The following GJD3 variants were observed in gnomAD, a reference collection of about 807,000 sequenced individuals.
The protein encoded by GJD3 is gap junction protein delta 3, also known as gap junction delta-3 protein.
For missense variants in GJD3, 421 were observed against 448.5 expected (o/e 0.94, Z 0.55); for synonymous variants, 217 against 226.7 (o/e 0.96, Z 0.38).
rs1833045326 is a variant in GJD3 at position 40,362,697 on chromosome 17, T to C, written c.*234A>G. ...CACCTGGGTGGTGGCATCCAGGACC[T>C]GCCTGAGTTCATTCTCCGCCCCCAG... On this transcript the variant is annotated 3_prime_UTR_variant, in exon 1 of 1. Coordinates refer to ENST00000578689, the MANE Select transcript of GJD3 (RefSeq NM_152219.4). 6.6e-6 allele frequency among the ~76,000 whole-genome samples: 1 copy of C among 152,238 alleles called. No individual in the cohort carries two copies. The highest frequency in any genetic ancestry group is 2.1e-4 in the South Asian group (1 of 4,838).
In GJD3 at chr17:40,361,260, C is replaced by A; in HGVS notation, c.*1671G>T. On this transcript the variant is annotated 3_prime_UTR_variant, in exon 1 of 1. Transcript: ENST00000578689. ...CTGGTGCTTGTTAGAAGAGAAAATT[C>A]CCTATGGTTCTGAGCACACCTGGAA... 3.0e-6 allele frequency: 1 copy of A among 337,838 alleles called. No homozygotes were observed. The highest frequency in any genetic ancestry group is 2.1e-5 in the South Asian group (1 of 46,734). 20.9% of individuals were successfully genotyped at this position (337,838 alleles called of 1,614,324 possible). A position where few individuals can be genotyped will look rare whatever the true frequency, so the allele number is the denominator to read the frequency against.
At position 40,363,458 on chromosome 17, in the gene GJD3, C is replaced by A. The variant is rs1016271395; in HGVS notation, c.358G>T (p.Ala120Ser). 4.0e-6 allele frequency: 6 copies of A among 1,483,684 alleles called. No homozygotes were observed. In the African/African-American group the frequency reaches 8.6e-5, roughly 21 times the overall value. 91.9% of individuals were successfully genotyped at this position (1,483,684 alleles called of 1,614,324 possible). Residue 120 changes from alanine to serine, a missense_variant, in exon 1 of 1, where the codon GCC (alanine) becomes TCC (serine). By Grantham distance (99) the Ala-to-Ser change is moderately conservative. Coordinates refer to ENST00000578689, the MANE Select transcript of GJD3 (RefSeq NM_152219.4). The surrounding 1 kb of genome is among the most constrained non-coding windows in gnomAD (Gnocchi z 5.5). ...AAQCAPGLPE[A>S]QCAPCALRAR... ...CGCAGGGCGCACGGCGCGCACTGGG[C>A]CTCGGGCAGTCCGGGGGCGCACTGC...
rs2034777599 is a variant in GJD3, at chr17:40,363,833, G to A, written c.-18C>T. The stretch of plus-strand genomic sequence containing the variant: ...TCCCCCATGGCGCTGGGGACGCGGG[G>A]CGGGGAGTCAGGGGATGGGGCAAGT... On this transcript the variant is annotated 5_prime_UTR_variant, in exon 1 of 1. Coordinates refer to ENST00000578689, the MANE Select transcript of GJD3 (RefSeq NM_152219.4). The surrounding 1 kb of genome is among the most constrained non-coding windows in gnomAD (Gnocchi z 5.5). 1 of 1,573,348 alleles carries A rather than the reference G, an allele frequency of 6.4e-7. No homozygotes were observed. Among genetic ancestry groups the A allele is most frequent in the Non-Finnish European group, 8.6e-7 (1 of 1,159,594 alleles).
Position 40,364,648 on chromosome 17 carries a change from C to T in GJD3, c.-833G>A. The stretch of plus-strand genomic sequence containing the variant: ...GGGGTGTCAGAGCTGAGCCAGGGAC[C>T]TTGGGAGGTGGCTGGGACCGGCGCC... On this transcript the variant is annotated 5_prime_UTR_variant, in exon 1 of 1. Coordinates refer to ENST00000578689, the MANE Select transcript of GJD3 (RefSeq NM_152219.4). 1 of 167,208 alleles carries T rather than the reference C, an allele frequency of 6.0e-6. No homozygotes were observed. Among genetic ancestry groups the T allele is most frequent in the East Asian group, 1.9e-4 (1 of 5,204 alleles). The allele number at this position is 167,208 out of a possible 1,614,324, so 10.4% of individuals were successfully genotyped here.
Position 40,362,126 on chromosome 17 carries a change from C to T in GJD3, c.*805G>A, listed in dbSNP as rs547132886. 6.8e-4 allele frequency among the ~76,000 whole-genome samples: 104 copies of T among 152,222 alleles called. No homozygotes were observed. Among genetic ancestry groups the T allele is most frequent in the Non-Finnish European group, 1.4e-3 (95 of 67,984 alleles). On this transcript the variant is annotated 3_prime_UTR_variant, in exon 1 of 1. Coordinates refer to ENST00000578689, the MANE Select transcript of GJD3 (RefSeq NM_152219.4). ...GCTGCAGCTGGCATCGGATCCTGGC[C>T]ACCCCCGCAGTGCATATCAGAGATC...
chr17:40,363,779 C>G lies in GJD3; in HGVS notation c.37G>C (p.Ala13Pro). 6.2e-7 allele frequency: 1 copy of G among 1,607,622 alleles called. No individual in the cohort carries two copies. The highest frequency in any genetic ancestry group is 8.5e-7 in the Non-Finnish European group (1 of 1,177,736). The change falls in exon 1 of 1, where the codon GCC becomes CCC. Residue 13 changes from alanine (A) to proline (P), a missense_variant. Coordinates refer to ENST00000578689, the MANE Select transcript of GJD3 (RefSeq NM_152219.4). This position sits in a 1 kb window ranked among gnomAD's most constrained non-coding sequence, Gnocchi z 5.5. ...ACGAGCGGCGACTGCAGCTGCACGG[C>G]GTCCAGCAGCGAGCCCAGGAACGCC... ...EWAFLGSLLD[A>P]VQLQSPLVGR...
chr17:40,361,042 G>C lies in GJD3; in HGVS notation c.*1889C>G, dbSNP rs778737141. 1.8e-5 allele frequency: 8 copies of C among 456,408 alleles called. No homozygotes were observed. The highest frequency in any genetic ancestry group is 3.5e-5 in the Non-Finnish European group (8 of 226,888). 28.3% of individuals were successfully genotyped at this position (456,408 alleles called of 1,614,324 possible). On this transcript the variant is annotated 3_prime_UTR_variant, in exon 1 of 1. Coordinates refer to ENST00000578689, the MANE Select transcript of GJD3 (RefSeq NM_152219.4). ...CCTGCAGGAGAAGTGCTTTCCCTAC[G>C]GAAGCGAGGGGCATCCAGCTCTGTC...
chr17:40,363,672 C>T lies in GJD3; in HGVS notation c.144G>A (p.Glu48=), dbSNP rs1458267809. ...GCGTGTTGCACACGAACTCCTCTTG[C>T]TCGTCCTCGAACACGGCGCCGCCCA... The part of the protein sequence containing the change: ...ATVGGAVFED[E]QEEFVCNTLQ... Residue 48 remains glutamate, a synonymous_variant, in exon 1 of 1, where the codon GAG becomes GAA. Coordinates refer to ENST00000578689, the MANE Select transcript of GJD3 (RefSeq NM_152219.4). This position sits in a 1 kb window ranked among gnomAD's most constrained non-coding sequence, Gnocchi z 5.5. 1.2e-6 allele frequency: 2 copies of T among 1,609,418 alleles called. No homozygotes were observed. The highest frequency in any genetic ancestry group is 1.7e-6 in the Non-Finnish European group (2 of 1,178,806).
Position 40,361,419 on chromosome 17 carries a change from C to T in GJD3, c.*1512G>A, listed in dbSNP as rs1357141408. Among the ~76,000 whole-genome samples the T allele has an allele frequency of 6.6e-6, 1 of 152,206 alleles. No individual in the cohort carries two copies. Among genetic ancestry groups the T allele is most frequent in the Non-Finnish European group, 1.5e-5 (1 of 68,032 alleles). On this transcript the variant is annotated 3_prime_UTR_variant, in exon 1 of 1. Transcript: ENST00000578689. ...TTAAGTGGGGGGCGCTATTCAGAAA[C>T]ACCTCCCACTGCTGTGTGGGGCACA...
rs2034767719 is a variant in GJD3, at chr17:40,363,100, G to A, written c.716C>T (p.Pro239Leu). 1.8e-5 allele frequency: 23 copies of A among 1,282,016 alleles called. No homozygotes were observed. The highest frequency in any genetic ancestry group is 2.3e-5 in the Non-Finnish European group (23 of 1,013,170). 79.4% of individuals were successfully genotyped at this position (1,282,016 alleles called of 1,614,324 possible). Residue 239 changes from proline to leucine, a missense_variant, in exon 1 of 1, where the codon CCG (proline) becomes CTG (leucine). By Grantham distance (98) the Pro-to-Leu change is moderately conservative (BLOSUM62 -3). Transcript: ENST00000578689. The surrounding 1 kb of genome is among the most constrained non-coding windows in gnomAD (Gnocchi z 5.5). ...RAHEEAQKLL[P>L]PPPPPPPPPA... is the part of the protein sequence containing the mutation. ...TGGCGGAGGTGGCGGCGGCGGCGGC[G>A]GGAGCAGCTTCTGCGCCTCTTCGTG... is the stretch of plus-strand genomic sequence containing the variant.
rs1274883334 is a variant in GJD3 at position 40,363,468 on chromosome 17, T to C, written c.348A>G (p.Gly116=). The change falls in exon 1 of 1, where the codon GGA becomes GGG. Residue 116 remains glycine, a synonymous_variant. Coordinates refer to ENST00000578689, the MANE Select transcript of GJD3 (RefSeq NM_152219.4). The surrounding 1 kb of genome is among the most constrained non-coding windows in gnomAD (Gnocchi z 5.5). ...ACGGCGCGCACTGGGCCTCGGGCAGTCCGGGGGCGCACTGCGCCGCCGCCT... is the reference window on the plus strand; with the variant it reads ...ACGGCGCGCACTGGGCCTCGGGCAGCCCGGGGGCGCACTGCGCCGCCGCCT... The part of the protein sequence containing the change: ...GAEAAAQCAP[G]LPEAQCAPCA... 1.3e-6 allele frequency: 2 copies of C among 1,525,402 alleles called. No homozygotes were observed. The highest frequency in any genetic ancestry group is 1.4e-5 in the African/African-American group (1 of 72,390). 94.5% of individuals were successfully genotyped at this position (1,525,402 alleles called of 1,614,324 possible).
Position 40,363,525 on chromosome 17 carries a change from C to G in GJD3, c.291G>C (p.Met97Ile). ...CGCCCGCCTCCTTGCCTGCCCGGTG[C>G]ATGGAGTAGACGACGAACAGCACCG... is the stretch of plus-strand genomic sequence containing the variant. ...APPVLFVVYS[M>I]HRAGKEAGGA... The change falls in exon 1 of 1, where the codon ATG becomes ATC. Residue 97 changes from methionine (M) to isoleucine (I), a missense_variant. Physicochemically the swap from Met to Ile is conservative, Grantham distance 10. Transcript: ENST00000578689. This position sits in a 1 kb window ranked among gnomAD's most constrained non-coding sequence, Gnocchi z 5.5. The G allele has an allele frequency of 6.4e-7, 1 of 1,561,832 alleles. No homozygotes were observed. The highest frequency in any genetic ancestry group is 8.7e-7 in the Non-Finnish European group (1 of 1,154,308).
rs1045988974 is a variant in GJD3, at chr17:40,363,775, A to C, written c.41T>G (p.Val14Gly). Reference protein sequence around the residue: ...WAFLGSLLDAVQLQSPLVGRL... With the variant: ...WAFLGSLLDAGQLQSPLVGRL... ...GCCCACGAGCGGCGACTGCAGCTGC[A>C]CGGCGTCCAGCAGCGAGCCCAGGAA... Residue 14 changes from valine to glycine, a missense_variant, in exon 1 of 1, where the codon GTG becomes GGG. Val to Gly is a moderately radical substitution (Grantham distance 109). Coordinates refer to ENST00000578689, the MANE Select transcript of GJD3 (RefSeq NM_152219.4). The surrounding 1 kb of genome is among the most constrained non-coding windows in gnomAD (Gnocchi z 5.5). 2 of 1,608,714 alleles carry C rather than the reference A, an allele frequency of 1.2e-6. No individual in the cohort carries two copies. The highest frequency in any genetic ancestry group is 2.2e-5 in the South Asian group (2 of 90,572).
chr17:40,363,427 CGGGCGCGCAGGGCGCACGGCGCGCACT>C lies in GJD3; in HGVS notation c.362_388del (p.Gln121_Ala129del). The C allele has an allele frequency of 7.7e-7, 1 of 1,306,278 alleles. No individual in the cohort carries two copies. Among genetic ancestry groups the C allele is most frequent in the Admixed American group, 4.2e-5 (1 of 23,824 alleles). The allele number at this position is 1,306,278 out of a possible 1,614,324, so 80.9% of individuals were successfully genotyped here. ...CAGCAGGTAGCAGCGGCGCGCGCGG[CGGGCGCGCAGGGCGCACGGCGCGCACT>C]GGGCCTCGGGCAGTCCGGGGGCGCA... On this transcript the variant is annotated inframe_deletion, in exon 1 of 1. Coordinates refer to ENST00000578689, the MANE Select transcript of GJD3 (RefSeq NM_152219.4). This position sits in a 1 kb window ranked among gnomAD's most constrained non-coding sequence, Gnocchi z 5.5.
Position 40,362,930 on chromosome 17 carries a change from C to A in GJD3, c.*1G>T. 8.1e-7 allele frequency: 1 copy of A among 1,234,714 alleles called. No individual in the cohort carries two copies. The highest frequency in any genetic ancestry group is 1.0e-6 in the Non-Finnish European group (1 of 986,680). 76.5% of individuals were successfully genotyped at this position (1,234,714 alleles called of 1,614,324 possible). ...CAGTCCGCGCGAGGCGGTGCCCGCC[C>A]CTAGATGGCCAGATCTCGGCGGCCG... is the stretch of plus-strand genomic sequence containing the variant. On this transcript the variant is annotated 3_prime_UTR_variant, in exon 1 of 1. Transcript: ENST00000578689.
At position 40,363,481 on chromosome 17, in the gene GJD3, T is replaced by G. The variant is rs1188019376; in HGVS notation, c.335A>C (p.Gln112Pro). The change falls in exon 1 of 1, where the codon CAG (glutamine) becomes CCG (proline). Residue 112 changes from glutamine to proline, a missense_variant. By Grantham distance (76) the Gln-to-Pro change is moderately conservative (BLOSUM62 -1). Transcript: ENST00000578689. This position sits in a 1 kb window ranked among gnomAD's most constrained non-coding sequence, Gnocchi z 5.5. ...GGCCTCGGGCAGTCCGGGGGCGCAC[T>G]GCGCCGCCGCCTCAGCGCCGCCCGC... ...KEAGGAEAAA[Q>P]CAPGLPEAQC... The G allele has an allele frequency of 1.0e-5, 16 of 1,538,334 alleles. No individual in the cohort carries two copies. Among genetic ancestry groups the G allele is most frequent in the African/African-American group, 1.4e-5 (1 of 72,626 alleles).
chr17:40,363,204 G>A lies in GJD3; in HGVS notation c.612C>T (p.Leu204=). 3 of 1,448,586 alleles carry A rather than the reference G, an allele frequency of 2.1e-6. No homozygotes were observed. The highest frequency in any genetic ancestry group is 1.5e-5 in the African/African-American group (1 of 68,314). The allele number at this position is 1,448,586 out of a possible 1,614,324, so 89.7% of individuals were successfully genotyped here. A position where few individuals can be genotyped will look rare whatever the true frequency, so the allele number is the denominator to read the frequency against. The change falls in exon 1 of 1, where the codon CTC becomes CTT. Residue 204 remains leucine, a synonymous_variant. Transcript: ENST00000578689. The surrounding 1 kb of genome is among the most constrained non-coding windows in gnomAD (Gnocchi z 5.5). ...GCAGGTGGCCCAGCTCGGCTACGCT[G>A]AGCAGCGCCGACAGCAGCCCCACCG... ...YFAVGLLSAL[L]SVAELGHLLW... is the part of the protein sequence containing the mutation.
chr17:40,361,033 T>C lies in GJD3; in HGVS notation c.*1898A>G, dbSNP rs2034747792. On this transcript the variant is annotated 3_prime_UTR_variant, in exon 1 of 1. Coordinates refer to ENST00000578689, the MANE Select transcript of GJD3 (RefSeq NM_152219.4). ...CAATGCCATCCTGCAGGAGAAGTGC[T>C]TTCCCTACGGAAGCGAGGGGCATCC... 2.2e-6 allele frequency: 1 copy of C among 456,578 alleles called. No homozygotes were observed. 28.3% of individuals were successfully genotyped at this position (456,578 alleles called of 1,614,324 possible).
chr17:40,363,996 G>T lies in GJD3; in HGVS notation c.-181C>A. 2 of 778,602 alleles carry T rather than the reference G, an allele frequency of 2.6e-6. No individual in the cohort carries two copies. The highest frequency in any genetic ancestry group is 4.1e-6 in the Non-Finnish European group (2 of 487,716). 48.2% of individuals were successfully genotyped at this position (778,602 alleles called of 1,614,324 possible). ...GAAACGGAGGGCCACGGGAGGGCCCGAGGGGAGCAGGCGACGCTCAGCTAT... is the reference window on the plus strand; with the variant it reads ...GAAACGGAGGGCCACGGGAGGGCCCTAGGGGAGCAGGCGACGCTCAGCTAT... On this transcript the variant is annotated 5_prime_UTR_variant, in exon 1 of 1. Coordinates refer to ENST00000578689, the MANE Select transcript of GJD3 (RefSeq NM_152219.4). This position sits in a 1 kb window ranked among gnomAD's most constrained non-coding sequence, Gnocchi z 5.5.
Sources: gnomAD v4.1 joint callset for allele counts (sites outside exome capture counted in the v4.1 genomes callset) on GRCh38, gnomAD v4.1.1 for gene constraint, Gnocchi (gnomAD v3.1) non-coding constraint, MANE v1.5 for transcripts, NCBI Gene and HGNC (gene_info 2026-07-23, HGNC 2026-07-21) for gene names.